The following FAM13C variants were observed in gnomAD, a reference collection of about 807,000 sequenced individuals.
FAM13C encodes protein FAM13C.
Under a neutral mutation model 73.2 loss-of-function variants are expected in FAM13C, and 37 were observed. That is an observed-to-expected ratio of 0.51 (90% CI 0.39 to 0.67). The LOEUF is 0.67. FAM13C is among the 30% of genes least tolerant of loss of function. FAM13C has a pLI of 0.00. For missense variants in FAM13C, 589 were observed against 715.6 expected, an observed-to-expected ratio of 0.82 and a Z score of 2.02; for synonymous variants, 246 against 260.9, an observed-to-expected ratio of 0.94 and a Z score of 0.55.
At chr10:59,283,633 CT>C in intron 5 of FAM13C, 186 bp from the exon 6 acceptor site, 1 of 652,996 alleles carries the variant, frequency 1.5e-6, no homozygotes. Flanking sequence ...GCAACAGCTG[CT>C]TCAGGGAAAG....
At position 59,252,734 on chromosome 10, in the gene FAM13C, T is replaced by C; in HGVS notation, c.1532+65A>G. On this transcript the variant is annotated intron_variant, in intron 12 of 13. Transcript: ENST00000618804. ...CAGCATTTTCAAAGGCCAGCTCTAC[T>C]TCATATACTGGTATCAGACCAGAAG... The C allele has an allele frequency of 2.6e-6, 4 of 1,527,632 alleles. No individual in the cohort carries two copies. The East Asian group carries it at 9.0e-5, about 34-fold the overall frequency. The allele number at this position is 1,527,632 out of a possible 1,614,324, so 94.6% of individuals were successfully genotyped here. A position where few individuals can be genotyped will look rare whatever the true frequency, so the allele number is the denominator to read the frequency against.
At chr10:59,277,981 C>T (rs1465218642) in intron 6 of FAM13C, among the ~76,000 whole-genome samples, 4 of 152,086 alleles carry the variant, frequency 2.6e-5, no homozygotes, top group East Asian at 1.9e-4. Context: ...CTGGGCAATT[C>T]GTAAAAGAAA....
chr10:59,317,266 G>A (rs1278113148), intron 4 of FAM13C, among the ~76,000 whole-genome samples: 3 of 151,996 alleles, frequency 2.0e-5, no homozygotes, highest in African/African-American at 7.2e-5. Context: ...TTAAAGATTA[G>A]CCCCATTCTA....
chr10:59,268,202 A>C (rs1843285907), intron 8 of FAM13C, among the ~76,000 whole-genome samples: 2 of 149,704 alleles, frequency 1.3e-5, no homozygotes, highest in South Asian at 4.3e-4. Context: ...AATTGAGAAA[A>C]AGTGAAAAAA....
chr10:59,258,384 G>A (rs1186912355), intron 10 of FAM13C, among the ~76,000 whole-genome samples: 3 of 152,282 alleles, frequency 2.0e-5, no homozygotes, highest in South Asian at 2.1e-4. Context: ...TTGAGAGGCC[G>A]AGGTGGGGAG....
rs949657302 is a variant in FAM13C at position 59,246,835 on chromosome 10, C to T, written c.*779G>A. 3 of 384,436 alleles carry T rather than the reference C, an allele frequency of 7.8e-6. No individual in the cohort carries two copies. The highest frequency in any genetic ancestry group is 2.1e-5 in the African/African-American group (1 of 48,300). The allele number at this position is 384,436 out of a possible 1,614,324, so 23.8% of individuals were successfully genotyped here. On this transcript the variant is annotated 3_prime_UTR_variant, in exon 14 of 14. Coordinates refer to ENST00000618804, the MANE Select transcript of FAM13C (RefSeq NM_198215.4). ...AAAAGATTAGCAATAATACTATGGACACATTAGATTATATACTACAGACAC... is the reference window on the plus strand; with the variant it reads ...AAAAGATTAGCAATAATACTATGGATACATTAGATTATATACTACAGACAC...
At chr10:59,349,453 A>G (rs1854736015) in intron 3 of FAM13C, among the ~76,000 whole-genome samples, 1 of 152,212 alleles carries the variant, frequency 6.6e-6, no homozygotes, top group African/African-American at 2.4e-5. Context: ...GCCCAAGATC[A>G]AGAGGAACAA....
intron 1 of FAM13C, 58 bp downstream of exon 1, chr10:59,362,341 G>T: frequency 6.3e-7 from 1 of 1,591,944 alleles, no homozygotes; most frequent in Non-Finnish European, 8.6e-7. Flanking sequence ...ATACCTTCAC[G>T]ATAGTTGCTT....
At position 59,308,028 on chromosome 10, in the gene FAM13C, TG is replaced by T. The variant is rs1848458397; in HGVS notation, c.444-5165del. 2.0e-5 allele frequency among the ~76,000 whole-genome samples: 3 copies of T among 152,188 alleles called. No individual in the cohort carries two copies. The South Asian group carries it at 6.2e-4, about 32-fold the overall frequency. On this transcript the variant is annotated intron_variant, in intron 4 of 13. Coordinates refer to ENST00000618804, the MANE Select transcript of FAM13C (RefSeq NM_198215.4). Reference sequence around the variant, plus strand: ...ACCATTTACAATCTTTCCTGGAAGCTGGCCTACACACAAAAACTCGGTCACA... The same window carrying T: ...ACCATTTACAATCTTTCCTGGAAGCTGCCTACACACAAAAACTCGGTCACA...
At chr10:59,327,060 A>T (rs561471541) in intron 3 of FAM13C, among the ~76,000 whole-genome samples, 1 of 152,310 alleles carries the variant, frequency 6.6e-6, no homozygotes, top group South Asian at 2.1e-4. Context: ...AAAATGAGAA[A>T]GGTGAAATTT....
intron 13 of FAM13C, chr10:59,251,299 T>C (rs964186285): frequency 1.7e-5 from 7 of 418,878 alleles, no homozygotes; most frequent in Non-Finnish European, 2.5e-5. Flanking sequence ...ATTCATTTAT[T>C]TATGATGAGA....
chr10:59,277,844 T>A (rs1844490707), intron 6 of FAM13C, among the ~76,000 whole-genome samples: 1 of 152,142 alleles, frequency 6.6e-6, no homozygotes, highest in African/African-American at 2.4e-5. Context: ...GGCTATGGAG[T>A]CAGAGTGGGG....
At chr10:59,292,030 C>T (rs1021551000) in intron 5 of FAM13C, among the ~76,000 whole-genome samples, 25 of 152,138 alleles carry the variant, frequency 1.6e-4, no homozygotes, top group African/African-American at 5.8e-4. Flanking sequence ...CCTCGTGGTC[C>T]GCCCACCTTG....
intron 10 of FAM13C, among the ~76,000 whole-genome samples, chr10:59,259,829 A>G (rs568398096): frequency 6.6e-6 from 1 of 152,302 alleles, no homozygotes; most frequent in East Asian, 1.9e-4. Context: ...TTTGACTTAC[A>G]TGCCTCAGTA....
intron 4 of FAM13C, among the ~76,000 whole-genome samples, chr10:59,303,723 G>T (rs1448088638): frequency 1.3e-5 from 2 of 152,286 alleles, no homozygotes; most frequent in African/African-American, 2.4e-5. Flanking sequence ...CTGTGACAGG[G>T]GAGGGATAAG....
chr10:59,284,544 C>T (rs1246807938), intron 5 of FAM13C, among the ~76,000 whole-genome samples: 1 of 151,406 alleles, frequency 6.6e-6, no homozygotes, highest in African/African-American at 2.4e-5. Flanking sequence ...TCCCACTCCA[C>T]AGCCCCACCC....
intron 3 of FAM13C, among the ~76,000 whole-genome samples, chr10:59,341,447 A>C (rs1276622889): frequency 1.3e-5 from 2 of 152,078 alleles, no homozygotes; most frequent in Non-Finnish European, 2.9e-5. Flanking sequence ...CAGCACTTTG[A>C]GAGGCCGAGG....
intron 5 of FAM13C, among the ~76,000 whole-genome samples, chr10:59,285,549 A>G (rs2133713708): frequency 6.6e-6 from 1 of 152,348 alleles, no homozygotes; most frequent in Middle Eastern, 3.4e-3. Flanking sequence ...CTCCCAAAAT[A>G]TTAAAAATAG....
At chr10:59,293,987 T>G (rs956045520) in intron 5 of FAM13C, among the ~76,000 whole-genome samples, 1 of 152,220 alleles carries the variant, frequency 6.6e-6, no homozygotes, top group Non-Finnish European at 1.5e-5. Flanking sequence ...AATATATTTA[T>G]GAAAGCTGTC....
Sources: allele counts gnomAD v4.1 joint callset (sites outside exome capture counted in the v4.1 genomes callset), GRCh38; gene constraint gnomAD v4.1.1; transcripts MANE v1.5; gene names NCBI Gene and HGNC (gene_info 2026-07-23, HGNC 2026-07-21).